The following ATF1 variants were observed in gnomAD, a reference collection of about 807,000 sequenced individuals.
The protein encoded by ATF1 is activating transcription factor 1.
Under a neutral mutation model 34.7 loss-of-function variants are expected in ATF1, and 16 were observed. The ratio of observed to expected loss-of-function variants is 0.46; its 90% confidence interval spans 0.31 to 0.70. The LOEUF is 0.70. Among genes scored for constraint, ATF1 ranks in the 30% least tolerant of loss-of-function variants. The probability of loss-of-function intolerance (pLI) is 0.05; values close to 1 mark genes in which losing one functional copy is unlikely to be tolerated. For synonymous variants in ATF1, 105 were observed against 113.1 expected, an observed-to-expected ratio of 0.93 and a Z score of 0.46; for missense variants, 255 against 321.6, an observed-to-expected ratio of 0.79 and a Z score of 1.58.
chr12:50,767,874 T>TC (rs1173719268), intron 1 of ATF1, among the ~76,000 whole-genome samples: 1 of 151,546 alleles, frequency 6.6e-6, no homozygotes, highest in African/African-American at 2.4e-5. Flanking sequence ...TTTTGCACTT[T>TC]CTTTTTTTTT....
At chr12:50,819,190 T>TCATA (rs1941900376) in intron 6 of ATF1, among the ~76,000 whole-genome samples, 1 of 152,230 alleles carries the variant, frequency 6.6e-6, no homozygotes, top group Admixed American at 6.5e-5. Flanking sequence ...GTGGTTATAT[T>TCATA]CATACAGTGA....
At chr12:50,785,721 G>C (rs934152186) in intron 2 of ATF1, among the ~76,000 whole-genome samples, 2 of 152,126 alleles carry the variant, frequency 1.3e-5, no homozygotes, top group African/African-American at 4.8e-5. Context: ...GTAGGACTGA[G>C]TGCTTCAGTT....
chr12:50,776,554 G>T (rs555824406), intron 1 of ATF1, among the ~76,000 whole-genome samples: 5 of 148,466 alleles, frequency 3.4e-5, no homozygotes, highest in African/African-American at 1.2e-4. Context: ...ATGGACAAAT[G>T]ATATGACCAG....
chr12:50,780,243 G>A lies in ATF1; in HGVS notation c.93+5G>A, dbSNP rs779392910. 8 of 1,599,424 alleles carry A rather than the reference G, an allele frequency of 5.0e-6. No individual in the cohort carries two copies. The highest frequency in any genetic ancestry group is 5.1e-6 in the Non-Finnish European group (6 of 1,168,138). On this transcript the variant is annotated splice_donor_5th_base_variant and intron_variant, in intron 2 of 6. Coordinates refer to ENST00000262053, the MANE Select transcript of ATF1 (RefSeq NM_005171.5). Reference sequence around the variant, plus strand: ...ATTTCTCATATTGCTCAACAGGTAAGGGAGGGACTGGCCAAAATACTGAGC... The same window carrying A: ...ATTTCTCATATTGCTCAACAGGTAAAGGAGGGACTGGCCAAAATACTGAGC...
At position 50,821,008 on chromosome 12, in the gene ATF1, T is replaced by A. The variant is rs1463983255; in HGVS notation, c.*1229T>A. The A allele has an allele frequency of 5.5e-6, 1 of 180,716 alleles. No individual in the cohort carries two copies. Among genetic ancestry groups the A allele is most frequent in the African/African-American group, 2.4e-5 (1 of 42,396 alleles). The allele number at this position is 180,716 out of a possible 1,614,324, so 11.2% of individuals were successfully genotyped here. A position where few individuals can be genotyped will look rare whatever the true frequency, so the allele number is the denominator to read the frequency against. ...AAAATACTGTCAGTACACCAGCGTT[T>A]AACATCTATATTCCAATTTGTATAC... is the stretch of plus-strand genomic sequence containing the variant. On this transcript the variant is annotated 3_prime_UTR_variant, in exon 7 of 7. Transcript: ENST00000262053.
chr12:50,814,717 A>G (rs1387363796), intron 6 of ATF1, among the ~76,000 whole-genome samples: 1 of 152,178 alleles, frequency 6.6e-6, no homozygotes. Flanking sequence ...AGCACATGCA[A>G]TTATGTATAG....
chr12:50,798,316 G>T, intron 3 of ATF1, among the ~76,000 whole-genome samples: 1 of 147,276 alleles, frequency 6.8e-6, no homozygotes, highest in African/African-American at 2.5e-5. Flanking sequence ...CATGGTTGTT[G>T]TTTTTTTTTT....
At chr12:50,809,621 A>T (rs1437459683) in intron 4 of ATF1, 32 bp downstream of exon 4, 1 of 1,578,244 alleles carries the variant, frequency 6.3e-7, no homozygotes, top group African/African-American at 1.4e-5. Context: ...CACATTATAA[A>T]CACACAAAAC....
chr12:50,793,659 T>G (rs1236223611), intron 2 of ATF1, among the ~76,000 whole-genome samples: 1 of 149,992 alleles, frequency 6.7e-6, no homozygotes, highest in Non-Finnish European at 1.5e-5. Context: ...AAATTTATGA[T>G]GCTTGAGGAA....
chr12:50,809,958 G>A (rs900861300), intron 4 of ATF1, among the ~76,000 whole-genome samples: 1 of 148,832 alleles, frequency 6.7e-6, no homozygotes, highest in Non-Finnish European at 1.5e-5. Context: ...CTCAGCCTCC[G>A]GAGTAGCTGG....
intron 1 of ATF1, chr12:50,764,508 G>T (rs1940577222): frequency 6.6e-6 from 1 of 152,128 alleles, no homozygotes; most frequent in African/African-American, 2.4e-5. Flanking sequence ...GCTGCGCTGC[G>T]CCCTTCCAGT....
chr12:50,772,095 C>T (rs1940785830), intron 1 of ATF1, among the ~76,000 whole-genome samples: 1 of 152,068 alleles, frequency 6.6e-6, no homozygotes, highest in Non-Finnish European at 1.5e-5. Flanking sequence ...CCCATTATTT[C>T]TTGTGCGAGA....
intron 2 of ATF1, among the ~76,000 whole-genome samples, chr12:50,781,227 C>T (rs897208521): frequency 3.9e-5 from 6 of 152,030 alleles, no homozygotes; most frequent in African/African-American, 1.4e-4. Flanking sequence ...TTCCTGTATA[C>T]TTTAAATCAT....
intron 1 of ATF1, among the ~76,000 whole-genome samples, chr12:50,770,177 G>C (rs1195528534): frequency 6.6e-6 from 1 of 152,166 alleles, no homozygotes; most frequent in Non-Finnish European, 1.5e-5. Context: ...TTAACTTATG[G>C]CAATGTAATT....
In ATF1 at chr12:50,788,056, T is replaced by C. The variant is rs1197799810; in HGVS notation, c.93+7818T>C. Among the ~76,000 whole-genome samples, 14 of 152,248 alleles carry C rather than the reference T, an allele frequency of 9.2e-5. No homozygotes were observed. In the South Asian group the frequency reaches 2.1e-3, roughly 23 times the overall value. On this transcript the variant is annotated intron_variant, in intron 2 of 6. Transcript: ENST00000262053. Reference sequence around the variant, plus strand: ...GTTTGGGGACATTGAAGAGGGATTGTCAGTGAGGTAGGAGGAAAATCAAGA... The same window carrying C: ...GTTTGGGGACATTGAAGAGGGATTGCCAGTGAGGTAGGAGGAAAATCAAGA...
At chr12:50,777,913 A>G (rs1940964615) in intron 1 of ATF1, among the ~76,000 whole-genome samples, 1 of 151,200 alleles carries the variant, frequency 6.6e-6, no homozygotes, top group Non-Finnish European at 1.5e-5. Flanking sequence ...GTGGAGAAAT[A>G]TACGTACCGT....
intron 2 of ATF1, among the ~76,000 whole-genome samples, chr12:50,790,564 C>T (rs1407542874): frequency 6.6e-6 from 1 of 151,970 alleles, no homozygotes; most frequent in Non-Finnish European, 1.5e-5. Context: ...CAGAGCTGGA[C>T]ATATGTTAAA....
At chr12:50,773,532 C>T (rs1940834185) in intron 1 of ATF1, among the ~76,000 whole-genome samples, 1 of 145,778 alleles carries the variant, frequency 6.9e-6, no homozygotes, top group Non-Finnish European at 1.5e-5. Flanking sequence ...TCACTACAAC[C>T]TCCGCCTCCT....
intron 2 of ATF1, among the ~76,000 whole-genome samples, chr12:50,786,892 T>C (rs1287659683): frequency 6.6e-6 from 1 of 152,132 alleles, no homozygotes. Context: ...AAGAGCCTCT[T>C]TGGGGCAGAT....
Sources: allele counts gnomAD v4.1 joint callset (sites outside exome capture counted in the v4.1 genomes callset), GRCh38; gene constraint gnomAD v4.1.1; transcripts MANE v1.5; gene names NCBI Gene and HGNC (gene_info 2026-07-23, HGNC 2026-07-21).